LAMA2: variants seen among roughly 807,000 people sequenced by gnomAD.
LAMA2 encodes the protein laminin subunit alpha 2, also known as laminin subunit alpha-2.
A neutral mutation model predicts 364.8 loss-of-function variants in LAMA2; 269 were observed. The observed-to-expected ratio is 0.74, with a 90% CI of 0.67 to 0.82. LAMA2 has a LOEUF of 0.82. LAMA2 is among the 40% of genes least tolerant of loss of function. LAMA2 has a pLI of 0.00. For missense variants in LAMA2, 3,807 were observed against 3,873.2 expected (o/e 0.98, Z 0.45); for synonymous variants, 1,379 against 1,370.6 (o/e 1.01, Z -0.14).
At chr6:129,397,613 T>C (rs1779725069) in intron 37 of LAMA2, among the ~76,000 whole-genome samples, 1 of 152,074 alleles carries the variant, frequency 6.6e-6, no homozygotes, top group South Asian at 2.1e-4. Context: ...CTAGAACCCA[T>C]CAGTATCTAA....
intron 1 of LAMA2, among the ~76,000 whole-genome samples, chr6:128,931,941 T>C (rs1371188559): frequency 6.6e-6 from 1 of 152,210 alleles, no homozygotes; most frequent in African/African-American, 2.4e-5. Flanking sequence ...TTGTTCATTA[T>C]ATTTTTCTCC....
At chr6:129,037,573 A>G (rs1366783490) in intron 1 of LAMA2, among the ~76,000 whole-genome samples, 1 of 152,138 alleles carries the variant, frequency 6.6e-6, no homozygotes, top group African/African-American at 2.4e-5. Flanking sequence ...GTGTATAAGT[A>G]TCTATTGGTA....
chr6:129,509,205 AT>A lies in LAMA2; in HGVS notation c.8857+1570del, dbSNP rs371427954. 3.8e-3 allele frequency among the ~76,000 whole-genome samples: 571 copies of A among 152,086 alleles called. 1 individual carries two copies. The highest frequency in any genetic ancestry group is 7.0e-3 in the Non-Finnish European group (476 of 67,948). ...ACCCATTTTTAAATAGGATTATTAG[AT>A]TTTTTTCCTATAGAATTGTTTGAAT... On this transcript the variant is annotated intron_variant, in intron 62 of 64. Coordinates refer to ENST00000421865, the MANE Select transcript of LAMA2 (RefSeq NM_000426.4).
intron 1 of LAMA2, chr6:128,929,897 G>T (rs2114511632): frequency 1.2e-6 from 1 of 868,262 alleles, no homozygotes; most frequent in East Asian, 2.4e-5. Context: ...CTGAGTGTAT[G>T]GGATGTGCAG....
intron 8 of LAMA2, chr6:129,157,474 G>GT: frequency 6.2e-7 from 1 of 1,604,512 alleles, no homozygotes; most frequent in Non-Finnish European, 8.5e-7. Context: ...CATGCCATGG[G>GT]TAAAAACAGT....
intron 20 of LAMA2, 83 bp downstream of exon 20, chr6:129,291,803 G>C (rs549506482): frequency 1.9e-5 from 17 of 884,106 alleles, no homozygotes; most frequent in Admixed American, 5.8e-5. Flanking sequence ...GTATACCTTC[G>C]TATATTAAAA....
intron 22 of LAMA2, among the ~76,000 whole-genome samples, chr6:129,305,718 T>C (rs1411372192): frequency 6.6e-6 from 1 of 152,132 alleles, no homozygotes; most frequent in African/African-American, 2.4e-5. Context: ...TTTGGCCTTT[T>C]AATTTGAGGA....
In LAMA2 at chr6:129,244,393, C is replaced by T. The variant is rs551454046; in HGVS notation, c.1783-5719C>T. Among the ~76,000 whole-genome samples, 3 of 152,192 alleles carry T rather than the reference C, an allele frequency of 2.0e-5. No individual in the cohort carries two copies. The South Asian group carries it at 6.2e-4, about 31-fold the overall frequency. On this transcript the variant is annotated intron_variant, in intron 12 of 64. Coordinates refer to ENST00000421865, the MANE Select transcript of LAMA2 (RefSeq NM_000426.4). ...GGATACCTTTTCAGAGTTTAAGGCT[C>T]GCGGGCTTTGGGATCTAAGAAGATG...
At chr6:129,316,699 G>A (rs760189199) in intron 27 of LAMA2, among the ~76,000 whole-genome samples, 4 of 152,212 alleles carry the variant, frequency 2.6e-5, no homozygotes, top group Non-Finnish European at 5.9e-5. Flanking sequence ...TGAATGCAAT[G>A]TTGTCGAACC....
intron 8 of LAMA2, among the ~76,000 whole-genome samples, chr6:129,164,137 T>C (rs1209809320): frequency 6.6e-6 from 1 of 152,164 alleles, no homozygotes; most frequent in African/African-American, 2.4e-5. Context: ...ATACCTGAAA[T>C]CACAGATAGT....
intron 1 of LAMA2, among the ~76,000 whole-genome samples, chr6:128,971,924 T>C (rs556574797): frequency 7.3e-4 from 111 of 152,218 alleles, no homozygotes; most frequent in Admixed American, 1.4e-3. Context: ...GAGGCAGGTC[T>C]CTGGAATGAT....
intron 43 of LAMA2, 31 bp downstream of exon 43, chr6:129,441,029 CATTT>C: frequency 6.4e-7 from 1 of 1,568,048 alleles, no homozygotes; most frequent in Non-Finnish European, 8.8e-7. Flanking sequence ...GTGATGATGT[CATTT>C]ATTTCCTCTC....
chr6:129,253,281 A>G (rs1786396652), intron 14 of LAMA2, among the ~76,000 whole-genome samples: 1 of 152,164 alleles, frequency 6.6e-6, no homozygotes, highest in South Asian at 2.1e-4. Context: ...TTCAAATGTG[A>G]CCCCAGCCTG....
At chr6:129,049,652 G>A (rs868184965) in intron 1 of LAMA2, among the ~76,000 whole-genome samples, 2 of 152,082 alleles carry the variant, frequency 1.3e-5, no homozygotes, top group Middle Eastern at 3.4e-3. Flanking sequence ...CTAGAGACAG[G>A]ACCTTCTTCC....
intron 8 of LAMA2, among the ~76,000 whole-genome samples, chr6:129,155,542 A>G (rs1354946660): frequency 6.6e-6 from 1 of 152,054 alleles, no homozygotes; most frequent in African/African-American, 2.4e-5. Context: ...ATATTTTTTT[A>G]TCCTAAAAAC....
At position 129,260,771 on chromosome 6, in the gene LAMA2, A is replaced by C. The variant is rs2114320539; in HGVS notation, c.2157A>C (p.Ala719=). Residue 719 remains alanine (A), a synonymous_variant, in exon 15 of 65, where the codon GCA becomes GCC. Transcript: ENST00000421865. ...VSYPTDGSIA[A]AVEVCQCPPG... ...ATCCTACTGATGGAAGCATTGCAGC[A>C]GCTGTAGAAGTGTGTCAGTGCCCAC... is the stretch of plus-strand genomic sequence containing the variant. The C allele has an allele frequency of 6.2e-7, 1 of 1,612,860 alleles. No individual in the cohort carries two copies. The highest frequency in any genetic ancestry group is 1.1e-5 in the South Asian group (1 of 91,056).
At chr6:129,314,598 T>C in intron 23 of LAMA2, 57 bp from the exon 24 acceptor site, 1 of 1,554,204 alleles carries the variant, frequency 6.4e-7, no homozygotes, top group East Asian at 2.2e-5. Context: ...ATTCTCAGGG[T>C]GATTTCTCCC....
At position 129,154,361 on chromosome 6, in the gene LAMA2, G is replaced by A. The variant is rs985208716; in HGVS notation, c.1028-144G>A. 23 of 669,764 alleles carry A rather than the reference G, an allele frequency of 3.4e-5. 1 individual carries two copies. Among genetic ancestry groups the A allele is most frequent in the Admixed American group, 7.0e-5 (3 of 43,012 alleles). 41.5% of individuals were successfully genotyped at this position (669,764 alleles called of 1,614,324 possible). ...TGGAAGGCAGAGGTTGCAGTGAGCC[G>A]AGATCGTGCCACTCTGCACTCCAGC... is the stretch of plus-strand genomic sequence containing the variant. On this transcript the variant is annotated intron_variant, in intron 7 of 64. Coordinates refer to ENST00000421865, the MANE Select transcript of LAMA2 (RefSeq NM_000426.4).
In LAMA2 at chr6:129,171,691, C is replaced by A. The variant is rs1289235245; in HGVS notation, c.1307-6015C>A. On this transcript the variant is annotated intron_variant, in intron 9 of 64. Transcript: ENST00000421865. ...TCTCGAGGAGTATCTTTGTGGCGTT[C>A]TCTGTATTTCCTGAATCTGAACGTT... Among the ~76,000 whole-genome samples the A allele has an allele frequency of 9.7e-4, 127 of 130,916 alleles. 1 individual carries two copies. The highest frequency in any genetic ancestry group is 3.6e-3 in the Middle Eastern group (1 of 276). 85.9% of individuals were successfully genotyped at this position (130,916 alleles called of 152,430 possible). A position where few individuals can be genotyped will look rare whatever the true frequency, so the allele number is the denominator to read the frequency against.
Sources: allele counts gnomAD v4.1 joint callset (sites outside exome capture counted in the v4.1 genomes callset), GRCh38; gene constraint gnomAD v4.1.1; transcripts MANE v1.5; gene names NCBI Gene and HGNC (gene_info 2026-07-23, HGNC 2026-07-21).